The following NRG1 variants were observed in gnomAD, a reference collection of about 807,000 sequenced individuals.
The protein encoded by NRG1 is pro-neuregulin-1, membrane-bound isoform.
Under a neutral mutation model 63.8 loss-of-function variants are expected in NRG1, and 18 were observed. The ratio of observed to expected loss-of-function variants is 0.28; its 90% CI spans 0.19 to 0.42. NRG1 has a LOEUF of 0.42. NRG1 is among the 10% of genes least tolerant of loss of function. The probability of loss-of-function intolerance (pLI) is 1.00; values close to 1 mark genes in which losing one functional copy is unlikely to be tolerated. For missense variants in NRG1, 762 were observed against 814.7 expected (o/e 0.94, Z 0.79); for synonymous variants, 302 against 301.3 (o/e 1.00, Z -0.02).
At chr8:31,831,887 C>G in intron 1 of NRG1, among the ~76,000 whole-genome samples, 1 of 152,166 alleles carries the variant, frequency 6.6e-6, no homozygotes, top group African/African-American at 2.4e-5. Context: ...TAGGAGATGG[C>G]TTGACCTGGG....
chr8:32,141,592 G>GTATATATATATATATATA (rs59251868), intron 1 of NRG1, among the ~76,000 whole-genome samples: 1 of 71,790 alleles, frequency 1.4e-5, no homozygotes, highest in African/African-American at 4.9e-5. Flanking sequence ...ATGTGTGTGG[G>GTATATATATATATATATA]TATATATATA....
intron 1 of NRG1, among the ~76,000 whole-genome samples, chr8:31,799,678 T>C (rs182710921): frequency 2.0e-3 from 298 of 152,244 alleles, no homozygotes; most frequent in Non-Finnish European, 3.2e-3. Context: ...CAATGAGATA[T>C]ATCTATTAGC....
chr8:31,660,890 T>A (rs1437282895), intron 1 of NRG1, among the ~76,000 whole-genome samples: 1 of 152,222 alleles, frequency 6.6e-6, no homozygotes, highest in Non-Finnish European at 1.5e-5. Flanking sequence ...TTCTTTTAAA[T>A]TCATTTATAA....
chr8:32,299,903 G>T (rs935207381), intron 1 of NRG1, among the ~76,000 whole-genome samples: 1 of 152,164 alleles, frequency 6.6e-6, no homozygotes, highest in Admixed American at 6.5e-5. Context: ...TGAGATTTGG[G>T]TGGGGAAACA....
In NRG1 at chr8:32,068,137, GT is replaced by G. The variant is rs532196202; in HGVS notation, c.37+428708del. ...TTGTTCTACAGGTCAGAAGGCCTGA[GT>G]TCTCATCATTAATTAACTTTGTGAT... On this transcript the variant is annotated intron_variant, in intron 1 of 10. Coordinates refer to the NRG1 transcript ENST00000519301. 3.2e-3 allele frequency among the ~76,000 whole-genome samples: 495 copies of G among 152,332 alleles called. 1 individual carries two copies. The highest frequency in any genetic ancestry group is 0.014 in the Middle Eastern group (4 of 294).
chr8:31,886,441 G>T (rs1388084012), intron 1 of NRG1, among the ~76,000 whole-genome samples: 1 of 151,872 alleles, frequency 6.6e-6, no homozygotes, highest in Admixed American at 6.6e-5. Flanking sequence ...ATAAATTCTT[G>T]TTCAATTTTT....
chr8:32,222,622 T>C (rs1225678851), intron 1 of NRG1, among the ~76,000 whole-genome samples: 1 of 152,202 alleles, frequency 6.6e-6, no homozygotes, highest in Non-Finnish European at 1.5e-5. Flanking sequence ...CTTTTTATCT[T>C]TTCAAACCTT....
intron 1 of NRG1, among the ~76,000 whole-genome samples, chr8:32,141,592 G>GTATATATA (rs59251868): frequency 0.02 from 1,415 of 71,622 alleles, 60 homozygotes; most frequent in South Asian, 0.032. Flanking sequence ...ATGTGTGTGG[G>GTATATATA]TATATATATA....
intron 1 of NRG1, among the ~76,000 whole-genome samples, chr8:32,451,512 C>T (rs368839405): frequency 3.4e-4 from 52 of 152,284 alleles, no homozygotes; most frequent in African/African-American, 1.2e-3. Flanking sequence ...GTCTTTATCA[C>T]TGTCATGTTC....
chr8:32,123,309 C>T (rs958007409), intron 1 of NRG1, among the ~76,000 whole-genome samples: 2 of 151,836 alleles, frequency 1.3e-5, no homozygotes. Context: ...AGGTCTTTCC[C>T]CTGCTGTTCT....
chr8:32,129,201 C>G (rs1296650038), intron 1 of NRG1, among the ~76,000 whole-genome samples: 1 of 151,934 alleles, frequency 6.6e-6, no homozygotes, highest in African/African-American at 2.4e-5. Flanking sequence ...GTTGAATGAC[C>G]AATTAGATGG....
intron 1 of NRG1, among the ~76,000 whole-genome samples, chr8:32,512,711 C>T (rs1829357874): frequency 6.6e-6 from 1 of 152,138 alleles, no homozygotes; most frequent in African/African-American, 2.4e-5. Flanking sequence ...GGTTTCAATA[C>T]TTCAGTCTTA....
At chr8:32,047,058 A>G (rs1347380230) in intron 1 of NRG1, among the ~76,000 whole-genome samples, 2 of 151,948 alleles carry the variant, frequency 1.3e-5, no homozygotes, top group Non-Finnish European at 2.9e-5. Context: ...TTTTTTGCCC[A>G]GCATTGTTGT....
chr8:32,725,373 A>T (rs1212496587), intron 5 of NRG1, among the ~76,000 whole-genome samples: 1 of 150,992 alleles, frequency 6.6e-6, no homozygotes, highest in Non-Finnish European at 1.5e-5. Flanking sequence ...GACAGCAAGG[A>T]TACCCTGCTC....
intron 1 of NRG1, among the ~76,000 whole-genome samples, chr8:32,190,035 A>G (rs755356413): frequency 9.9e-5 from 15 of 152,210 alleles, no homozygotes; most frequent in Non-Finnish European, 1.5e-4. Flanking sequence ...GAAGTAAATC[A>G]GTTGGGAAGA....
At chr8:32,245,576 G>A (rs1848521210) in intron 1 of NRG1, among the ~76,000 whole-genome samples, 1 of 152,130 alleles carries the variant, frequency 6.6e-6, no homozygotes, top group South Asian at 2.1e-4. Flanking sequence ...CTGATAAACA[G>A]GAAGGAGCTG....
intron 1 of NRG1, among the ~76,000 whole-genome samples, chr8:31,832,583 A>T (rs890325388): frequency 1.3e-5 from 2 of 152,034 alleles, no homozygotes; most frequent in African/African-American, 4.8e-5. Flanking sequence ...TCATAATGGC[A>T]GAGAATGGCT....
chr8:32,593,854 CAAAAAA>C lies in NRG1; in HGVS notation c.101-1959_101-1954del, dbSNP rs11444147. ...TCAGAAAAAAATATTTTCAAGGTGT[CAAAAAA>C]AAAAAAAAAAAAAAGAACCAGACAA... On this transcript the variant is annotated intron_variant, in intron 1 of 11. Transcript: ENST00000356819. Among the ~76,000 whole-genome samples the C allele has an allele frequency of 1.3e-4, 13 of 97,072 alleles. No individual in the cohort carries two copies. The East Asian group carries it at 3.3e-3, about 25-fold the overall frequency. The allele number at this position is 97,072 out of a possible 152,430, so 63.7% of individuals were successfully genotyped here. A position where few individuals can be genotyped will look rare whatever the true frequency, so the allele number is the denominator to read the frequency against.
chr8:31,775,882 C>CAAAAA (rs71208140), intron 1 of NRG1, among the ~76,000 whole-genome samples: 12 of 72,198 alleles, frequency 1.7e-4, no homozygotes, highest in East Asian at 1.2e-3. Context: ...GACTCCGTCT[C>CAAAAA]AAAAAAAAAA....
Sources: allele counts gnomAD v4.1 joint callset (sites outside exome capture counted in the v4.1 genomes callset), GRCh38; gene constraint gnomAD v4.1.1; transcripts MANE v1.5; gene names NCBI Gene and HGNC (gene_info 2026-07-23, HGNC 2026-07-21).